The following KIAA0319 variants were observed in gnomAD, a reference collection of about 807,000 sequenced individuals.
KIAA0319 encodes dyslexia-associated protein KIAA0319.
KIAA0319 carries 83 observed loss-of-function variants against 108.4 expected under a neutral mutation model. The observed-to-expected ratio is 0.77, with a 90% CI of 0.64 to 0.92. KIAA0319 has a LOEUF of 0.92. Among genes scored for constraint, KIAA0319 ranks in the 40% least tolerant of loss-of-function variants. The pLI is 0.00. For synonymous variants in KIAA0319, 484 were observed against 510.4 expected, an observed-to-expected ratio of 0.95 and a Z score of 0.70; for missense variants, 1,195 against 1,322.4, an observed-to-expected ratio of 0.90 and a Z score of 1.49.
chr6:24,617,213 A>G (rs750818408), intron 1 of KIAA0319, among the ~76,000 whole-genome samples: 4 of 152,176 alleles, frequency 2.6e-5, no homozygotes, highest in Non-Finnish European at 5.9e-5. Flanking sequence ...TCAAATGTCC[A>G]ATATTAGGAT....
intron 1 of KIAA0319, among the ~76,000 whole-genome samples, chr6:24,601,526 CAG>C (rs1449448131): frequency 2.0e-5 from 3 of 152,148 alleles, no homozygotes; most frequent in Admixed American, 2.0e-4. Flanking sequence ...TTGTTTTTGG[CAG>C]AGACTCAAAG....
chr6:24,564,946 T>G (rs908016889), intron 14 of KIAA0319, among the ~76,000 whole-genome samples: 6 of 152,160 alleles, frequency 3.9e-5, no homozygotes, highest in Admixed American at 3.9e-4. Context: ...CTAGAAGTGC[T>G]TAGAAAGTAT....
At chr6:24,622,314 G>C (rs1373418482) in intron 1 of KIAA0319, among the ~76,000 whole-genome samples, 1 of 27,632 alleles carries the variant, frequency 3.6e-5, no homozygotes, top group South Asian at 9.6e-4. Context: ...AGACATTTGA[G>C]AAATTAAAAA....
At chr6:24,558,368 G>A (rs2817258) in intron 17 of KIAA0319, among the ~76,000 whole-genome samples, 1,249 of 31,566 alleles carry the variant, frequency 0.04, 16 homozygotes, top group African/African-American at 0.083. Flanking sequence ...TATATATCTA[G>A]ATAGATAGAT....
chr6:24,584,024 C>T (rs1561995588), intron 4 of KIAA0319, among the ~76,000 whole-genome samples: 1 of 152,126 alleles, frequency 6.6e-6, no homozygotes, highest in African/African-American at 2.4e-5. Context: ...TCCATTTTCT[C>T]CCTTGCTATC....
At chr6:24,644,184 G>A (rs1223094841) in intron 1 of KIAA0319, among the ~76,000 whole-genome samples, 1 of 152,202 alleles carries the variant, frequency 6.6e-6, no homozygotes, top group Non-Finnish European at 1.5e-5. Flanking sequence ...GTCCCCGTCT[G>A]AGTGAGTGGG....
At chr6:24,630,954 T>C (rs1775505456) in intron 1 of KIAA0319, among the ~76,000 whole-genome samples, 1 of 152,186 alleles carries the variant, frequency 6.6e-6, no homozygotes, top group African/African-American at 2.4e-5. Flanking sequence ...CTGAAGGGAA[T>C]GGAAACAGCC....
chr6:24,558,365 CTAGATAGATAGATAGATAGA>C (rs59328032), intron 17 of KIAA0319, among the ~76,000 whole-genome samples: 3 of 150,778 alleles, frequency 2.0e-5, no homozygotes, highest in Non-Finnish European at 4.4e-5. Flanking sequence ...ATATATATAT[CTAGATAGATAGATAGATAGA>C]TAGATAGATA....
chr6:24,564,836 C>T (rs1763670343), intron 14 of KIAA0319, among the ~76,000 whole-genome samples: 1 of 152,198 alleles, frequency 6.6e-6, no homozygotes, highest in African/African-American at 2.4e-5. Context: ...TCCCAGACTC[C>T]TGCTAATAGA....
chr6:24,600,804 G>T, intron 2 of KIAA0319: 1 of 745,942 alleles, frequency 1.3e-6, no homozygotes, highest in East Asian at 2.7e-5. Flanking sequence ...TAAACATAAA[G>T]TTTTCCTAGT....
intron 20 of KIAA0319, among the ~76,000 whole-genome samples, chr6:24,550,099 G>A (rs1338528739): frequency 1.3e-5 from 2 of 152,186 alleles, no homozygotes; most frequent in African/African-American, 4.8e-5. Flanking sequence ...GCCACTATTT[G>A]TTCTTCCTGT....
intron 5 of KIAA0319, chr6:24,583,193 A>G: frequency 1.0e-6 from 1 of 988,228 alleles, no homozygotes; most frequent in Non-Finnish European, 1.2e-6. Flanking sequence ...CATCCTGAGA[A>G]CCTGAGAGCC....
chr6:24,642,008 C>T (rs1055764902), intron 1 of KIAA0319, among the ~76,000 whole-genome samples: 4 of 114,102 alleles, frequency 3.5e-5, no homozygotes, highest in East Asian at 6.0e-4. Context: ...AGAGCAAGAC[C>T]GTGTCAGAAA....
intron 1 of KIAA0319, among the ~76,000 whole-genome samples, chr6:24,628,389 G>A (rs1775015682): frequency 6.6e-6 from 1 of 152,084 alleles, no homozygotes; most frequent in Admixed American, 6.6e-5. Flanking sequence ...ATTTGATTCT[G>A]AAAGAATTCA....
At chr6:24,630,708 T>TCTAC (rs1775466388) in intron 1 of KIAA0319, among the ~76,000 whole-genome samples, 1 of 25,730 alleles carries the variant, frequency 3.9e-5, no homozygotes, top group Admixed American at 4.9e-4. Context: ...TATATACACA[T>TCTAC]ATACACACAA....
chr6:24,642,009 G>A (rs1582385613), intron 1 of KIAA0319, among the ~76,000 whole-genome samples: 2 of 136,740 alleles, frequency 1.5e-5, no homozygotes, highest in Admixed American at 7.5e-5. Flanking sequence ...GAGCAAGACC[G>A]TGTCAGAAAG....
chr6:24,563,218 A>G, intron 16 of KIAA0319, 141 bp downstream of exon 16: 2 of 934,396 alleles, frequency 2.1e-6, no homozygotes, highest in Non-Finnish European at 3.0e-6. Context: ...GCCCTTTGAG[A>G]AAAAAAGTAT....
intron 16 of KIAA0319, among the ~76,000 whole-genome samples, chr6:24,559,881 G>A (rs1421522251): frequency 3.9e-5 from 6 of 151,970 alleles, no homozygotes; most frequent in Admixed American, 2.6e-4. Flanking sequence ...CCACAGTCCC[G>A]GGCAACCACT....
At chr6:24,631,129 A>T (rs537740460) in intron 1 of KIAA0319, among the ~76,000 whole-genome samples, 4 of 152,384 alleles carry the variant, frequency 2.6e-5, no homozygotes, top group Non-Finnish European at 5.9e-5. Context: ...CTCACAAAAG[A>T]TGCAGCCATA....
Sources: allele counts gnomAD v4.1 joint callset (sites outside exome capture counted in the v4.1 genomes callset), GRCh38; gene constraint gnomAD v4.1.1; transcripts MANE v1.5; gene names NCBI Gene and HGNC (gene_info 2026-07-23, HGNC 2026-07-21).